Variants in SEPTIN9 observed in about 807,000 individuals in gnomAD.
SEPTIN9 encodes septin 9.
In SEPTIN9, 13 loss-of-function variants were observed where a neutral mutation model predicts 56.6. That is an observed-to-expected ratio of 0.23 (90% CI 0.15 to 0.37). The LOEUF is 0.37. Among genes scored for constraint, SEPTIN9 ranks in the 10% least tolerant of loss-of-function variants. The pLI is 1.00. For synonymous variants in SEPTIN9, 332 were observed against 334.1 expected (o/e 0.99, Z 0.07); for missense variants, 650 against 823.1 (o/e 0.79, Z 2.57).
At chr17:77,470,291 TA>T (rs2038932260) in intron 3 of SEPTIN9, among the ~76,000 whole-genome samples, 1 of 127,238 alleles carries the variant, frequency 7.9e-6, no homozygotes, top group African/African-American at 3.0e-5. Context: ...TCCACCCATC[TA>T]CTCACCCACC....
At chr17:77,283,239 C>T (rs187792059) in intron 1 of SEPTIN9, among the ~76,000 whole-genome samples, 1 of 150,166 alleles carries the variant, frequency 6.7e-6, no homozygotes, top group Admixed American at 6.7e-5. Context: ...TGAGCAGGAA[C>T]CAACTCTTGT....
At chr17:77,325,191 G>A (rs962632014) in intron 2 of SEPTIN9, among the ~76,000 whole-genome samples, 6 of 152,118 alleles carry the variant, frequency 3.9e-5, no homozygotes, top group Admixed American at 3.9e-4. Flanking sequence ...TGTGCTTTTG[G>A]CGCCATATCC....
intron 2 of SEPTIN9, among the ~76,000 whole-genome samples, chr17:77,392,905 G>A (rs974521135): frequency 2.0e-5 from 3 of 152,060 alleles, no homozygotes; most frequent in Non-Finnish European, 2.9e-5. Flanking sequence ...GCTTCACTGC[G>A]CCTATTTTTA....
rs754139855 is a variant in SEPTIN9, at chr17:77,499,204, G to A, written c.*546G>A. 5 of 557,846 alleles carry A rather than the reference G, an allele frequency of 9.0e-6. No homozygotes were observed. Among genetic ancestry groups the A allele is most frequent in the South Asian group, 3.0e-5 (2 of 66,952 alleles). The allele number at this position is 557,846 out of a possible 1,614,324, so 34.6% of individuals were successfully genotyped here. On this transcript the variant is annotated 3_prime_UTR_variant, in exon 12 of 12. Coordinates refer to ENST00000427177, the MANE Select transcript of SEPTIN9 (RefSeq NM_001113491.2). Reference sequence around the variant, plus strand: ...CCCTACCCCTGCCCTGCTCCTAAGGGTAGAAAACTCCAGGGTCCCCTGCCA... The same window carrying A: ...CCCTACCCCTGCCCTGCTCCTAAGGATAGAAAACTCCAGGGTCCCCTGCCA...
chr17:77,484,442 GTGA>G (rs1390748818), intron 4 of SEPTIN9, among the ~76,000 whole-genome samples: 10 of 149,472 alleles, frequency 6.7e-5, no homozygotes, highest in Non-Finnish European at 9.0e-5. Context: ...GGTGATGGTG[GTGA>G]TGGTGGTGGT....
intron 1 of SEPTIN9, among the ~76,000 whole-genome samples, chr17:77,285,008 T>G (rs1397483142): frequency 6.6e-6 from 1 of 152,222 alleles, no homozygotes. Flanking sequence ...GAGAAATGCC[T>G]GCTCTGTAAC....
At chr17:77,495,753 G>A (rs2143454079) in intron 10 of SEPTIN9, among the ~76,000 whole-genome samples, 1 of 152,354 alleles carries the variant, frequency 6.6e-6, no homozygotes, top group Middle Eastern at 3.4e-3. Flanking sequence ...GCCCTACACA[G>A]GGCCGTGGCA....
At chr17:77,312,634 G>A (rs2032549158) in intron 2 of SEPTIN9, among the ~76,000 whole-genome samples, 1 of 152,166 alleles carries the variant, frequency 6.6e-6, no homozygotes, top group Non-Finnish European at 1.5e-5. Context: ...AGGAAATATT[G>A]CTGGACTGAC....
intron 2 of SEPTIN9, among the ~76,000 whole-genome samples, chr17:77,377,442 A>G (rs2034972668): frequency 6.6e-6 from 1 of 152,090 alleles, no homozygotes; most frequent in Non-Finnish European, 1.5e-5. Context: ...TGCTTTGCTC[A>G]GCGGTGTTTG....
chr17:77,393,434 G>C (rs1009085103), intron 2 of SEPTIN9, among the ~76,000 whole-genome samples: 16 of 152,164 alleles, frequency 1.1e-4, no homozygotes, highest in African/African-American at 3.6e-4. Context: ...ATTGGTAGCA[G>C]TAAGGCCAGG....
intron 10 of SEPTIN9, among the ~76,000 whole-genome samples, chr17:77,496,556 C>T (rs942018566): frequency 3.2e-4 from 48 of 152,300 alleles, no homozygotes; most frequent in East Asian, 7.7e-4. Context: ...ATAGGAGTTA[C>T]GAAGCACAGC....
rs145347646 is a variant in SEPTIN9, at chr17:77,302,583, C to A, written c.20-4558C>A. On this transcript the variant is annotated intron_variant, in intron 1 of 11. Transcript: ENST00000427177. ...ATCCCAGCTACGCAGGAGGTTGAGGCAGGAGAATCACTTGAACCTGGGAGG... is the reference window on the plus strand; with the variant it reads ...ATCCCAGCTACGCAGGAGGTTGAGGAAGGAGAATCACTTGAACCTGGGAGG... Among the ~76,000 whole-genome samples, 1,131 of 152,254 alleles carry A rather than the reference C, an allele frequency of 7.4e-3. 13 individuals are homozygous for A. The highest frequency in any genetic ancestry group is 0.024 in the African/African-American group (980 of 41,536).
rs555117744 is a variant in SEPTIN9, at chr17:77,420,559, C to T, written c.721+17856C>T. Among the ~76,000 whole-genome samples the T allele has an allele frequency of 2.0e-5, 3 of 152,168 alleles. No homozygotes were observed. In the East Asian group the frequency reaches 5.8e-4, roughly 29 times the overall value. On this transcript the variant is annotated intron_variant, in intron 3 of 11. Coordinates refer to ENST00000427177, the MANE Select transcript of SEPTIN9 (RefSeq NM_001113491.2). ...CCTCAGCCCAACTGTCCAGAGGAGT[C>T]TTTCTCAGTGGGGAGAGCCTGAGCT...
At chr17:77,316,096 A>G (rs189786930) in intron 2 of SEPTIN9, among the ~76,000 whole-genome samples, 7 of 152,276 alleles carry the variant, frequency 4.6e-5, no homozygotes, top group African/African-American at 9.6e-5. Context: ...TTAGTATGCA[A>G]ATGTGCCTCT....
intron 3 of SEPTIN9, among the ~76,000 whole-genome samples, chr17:77,407,452 A>G (rs1035582702): frequency 6.6e-6 from 1 of 151,882 alleles, no homozygotes; most frequent in Non-Finnish European, 1.5e-5. Context: ...GGTCGTCCCT[A>G]GAGACCAAGC....
intron 10 of SEPTIN9, among the ~76,000 whole-genome samples, chr17:77,495,943 C>G (rs556608989): frequency 6.6e-6 from 1 of 152,232 alleles, no homozygotes; most frequent in Non-Finnish European, 1.5e-5. Flanking sequence ...TTCTGCATCC[C>G]GCTCCAGCCT....
intron 2 of SEPTIN9, among the ~76,000 whole-genome samples, chr17:77,328,509 G>C (rs910662373): frequency 6.6e-6 from 1 of 152,206 alleles, no homozygotes; most frequent in Non-Finnish European, 1.5e-5. Context: ...GGGATGACAG[G>C]CGTCCGCCAC....
rs571969695 is a variant in SEPTIN9 at position 77,435,672 on chromosome 17, G to T, written c.721+32969G>T. On this transcript the variant is annotated intron_variant, in intron 3 of 11. Coordinates refer to ENST00000427177, the MANE Select transcript of SEPTIN9 (RefSeq NM_001113491.2). This position sits in a 1 kb window ranked among gnomAD's most constrained non-coding sequence, Gnocchi z 4.5. ...CTAGGGGAGGCGGACGCTTTGGCAC[G>T]AGGGTGGCGTTTCTGGTAATCCGTA... Among the ~76,000 whole-genome samples the T allele has an allele frequency of 6.6e-6, 1 of 152,232 alleles. No homozygotes were observed. The highest frequency in any genetic ancestry group is 1.5e-5 in the Non-Finnish European group (1 of 68,024).
intron 3 of SEPTIN9, among the ~76,000 whole-genome samples, chr17:77,412,764 A>G (rs900011296): frequency 6.6e-6 from 1 of 151,984 alleles, no homozygotes; most frequent in Non-Finnish European, 1.5e-5. Context: ...TTATCACAGC[A>G]GGTACGAGTA....
Sources: allele counts gnomAD v4.1 joint callset (sites outside exome capture counted in the v4.1 genomes callset), GRCh38; gene constraint gnomAD v4.1.1; non-coding constraint Gnocchi (gnomAD v3.1); transcripts MANE v1.5; gene names NCBI Gene and HGNC (gene_info 2026-07-23, HGNC 2026-07-21).